Variants in PRSS22 observed in about 807,000 individuals in gnomAD.
PRSS22 encodes the protein serine protease 22.
A neutral mutation model predicts 28.0 loss-of-function variants in PRSS22; 26 were observed. The ratio of observed to expected loss-of-function variants is 0.93; its 90% CI spans 0.68 to 1.29. The LOEUF (loss-of-function observed/expected upper bound fraction) is 1.29, where lower values mean the gene tolerates loss of function less well. Ranked by LOEUF, PRSS22 falls within the 50% of genes most tolerant of loss-of-function variation. PRSS22 has a pLI of 0.00. For synonymous variants in PRSS22, 217 were observed against 177.9 expected (o/e 1.22, Z -1.75); for missense variants, 444 against 422.1 (o/e 1.05, Z -0.46).
Position 2,856,093 on chromosome 16 carries a change from G to C in PRSS22, c.270C>G (p.His90Gln). ...LTSRWVITAA[H>Q]CFKDNLNKPY... ...CCGGCTGTACATACTCCTTGAAACA[G>C]TGGGCAGCAGTGATCACCCAGCGGC... The change falls in exon 3 of 6, where the codon CAC becomes CAG. Residue 90 changes from histidine (H) to glutamine (Q), a missense_variant. Physicochemically the swap from His to Gln is conservative, Grantham distance 24 (BLOSUM62 0). Transcript: ENST00000161006. 4 of 1,613,896 alleles carry C rather than the reference G, an allele frequency of 2.5e-6. No homozygotes were observed. In the Admixed American group the frequency reaches 6.7e-5, roughly 27 times the overall value.
At chr16:2,855,419 G>T (rs1446299255) in intron 4 of PRSS22, among the ~76,000 whole-genome samples, 155 bp downstream of exon 4, 1 of 151,344 alleles carries the variant, frequency 6.6e-6, no homozygotes. Flanking sequence ...GCCCACCAAG[G>T]TTTCTTCTGG....
chr16:2,856,257 G>A lies in PRSS22; in HGVS notation c.110-4C>T, dbSNP rs745819821. On this transcript the variant is annotated splice_region_variant and splice_polypyrimidine_tract_variant and intron_variant, in intron 2 of 5. Transcript: ENST00000161006. ...GGCTTCCCACAGGCTGGGGGAACTG[G>A]AGGGTACGGTCAAGTTTTGTTATCT... 1 of 1,613,166 alleles carries A rather than the reference G, an allele frequency of 6.2e-7. No individual in the cohort carries two copies.
At chr16:2,854,191 C>A (rs984102962) in intron 4 of PRSS22, 169 bp from the exon 5 acceptor site, 5 of 696,756 alleles carry the variant, frequency 7.2e-6, no homozygotes, top group Non-Finnish European at 1.2e-5. Flanking sequence ...AATTCCAGGT[C>A]TCCACCTCTG....
chr16:2,855,347 CA>C (rs33950878), intron 4 of PRSS22, among the ~76,000 whole-genome samples: 17,826 of 68,952 alleles, frequency 0.26, 1,488 homozygotes, highest in Middle Eastern at 0.39. Context: ...CACCCTGTCT[CA>C]AAAAAAAAAA....
intron 1 of PRSS22, among the ~76,000 whole-genome samples, chr16:2,857,421 G>A (rs2069472158): frequency 2.0e-5 from 3 of 152,186 alleles, no homozygotes; most frequent in African/African-American, 7.2e-5. Flanking sequence ...GCCCAGTGAG[G>A]AGGGGGTCCC....
At position 2,853,802 on chromosome 16, in the gene PRSS22, G is replaced by A. The variant is rs2069428866; in HGVS notation, c.717+63C>T. On this transcript the variant is annotated intron_variant, in intron 5 of 5. Coordinates refer to ENST00000161006, the MANE Select transcript of PRSS22 (RefSeq NM_022119.4). The surrounding 1 kb of genome is among the most constrained non-coding windows in gnomAD (Gnocchi z 4.6). Reference sequence around the variant, plus strand: ...AGGTTGTGGGGCTCAGTGGGGACAGGACTGACGCTGGCTCCTTCCCGAGGC... The same window carrying A: ...AGGTTGTGGGGCTCAGTGGGGACAGAACTGACGCTGGCTCCTTCCCGAGGC... 2.5e-6 allele frequency: 4 copies of A among 1,582,540 alleles called. No homozygotes were observed. The highest frequency in any genetic ancestry group is 3.4e-6 in the Non-Finnish European group (4 of 1,163,842).
chr16:2,854,207 G>A, intron 4 of PRSS22, 185 bp from the exon 5 acceptor site: 2 of 628,852 alleles, frequency 3.2e-6, no homozygotes, highest in Non-Finnish European at 2.7e-6. Flanking sequence ...CTCTGGCCCT[G>A]CTGAATTAGA....
rs2069455415 is a variant in PRSS22 at position 2,856,238 on chromosome 16, C to T, written c.125G>A (p.Gly42Glu). Reference sequence around the variant, plus strand: ...AACCCGGTTCAGCTGCTGGGGCTTCCCACAGGCTGGGGGAACTGGAGGGTA... The same window carrying T: ...AACCCGGTTCAGCTGCTGGGGCTTCTCACAGGCTGGGGGAACTGGAGGGTA... ...AARIPVPPAC[G>E]KPQQLNRVVG... Residue 42 changes from glycine (G) to glutamate (E), a missense_variant, in exon 3 of 6, where the codon GGG (glycine) becomes GAG (glutamate). Physicochemically the swap from Gly to Glu is moderately conservative, Grantham distance 98. Coordinates refer to ENST00000161006, the MANE Select transcript of PRSS22 (RefSeq NM_022119.4). The T allele has an allele frequency of 1.2e-6, 2 of 1,613,354 alleles. No homozygotes were observed. Among genetic ancestry groups the T allele is most frequent in the Non-Finnish European group, 1.7e-6 (2 of 1,179,862 alleles).
In PRSS22 at chr16:2,853,135, G is replaced by C; in HGVS notation, c.912C>G (p.Leu304=). ...CCCCAGAGCCCTGGCTCGGTGCCCT[G>C]AGGGCCCCACCCCCCTGAGCGCGCC... The part of the protein sequence containing the change: ...LRGRAQGGGA[L]RAPSQGSGAA... Residue 304 remains leucine, a synonymous_variant, in exon 6 of 6, where the codon CTC becomes CTG. Coordinates refer to ENST00000161006, the MANE Select transcript of PRSS22 (RefSeq NM_022119.4). The surrounding 1 kb of genome is among the most constrained non-coding windows in gnomAD (Gnocchi z 4.6). 6.3e-7 allele frequency: 1 copy of C among 1,597,042 alleles called. No individual in the cohort carries two copies. The highest frequency in any genetic ancestry group is 1.1e-5 in the South Asian group (1 of 90,944).
intron 4 of PRSS22, 112 bp from the exon 5 acceptor site, chr16:2,854,134 A>T (rs1783250878): frequency 4.0e-5 from 50 of 1,243,392 alleles, no homozygotes; most frequent in Non-Finnish European, 5.7e-5. Context: ...TCAAAGGCTA[A>T]CAGATTAGCT....
rs2069453274 is a variant in PRSS22, at chr16:2,856,105, G to T, written c.258C>A (p.Ile86=). The part of the protein sequence containing the change: ...AGSLLTSRWV[I]TAAHCFKDNL... ...ACTCCTTGAAACAGTGGGCAGCAGT[G>T]ATCACCCAGCGGCTGGTGAGCAGAG... The change falls in exon 3 of 6, where the codon ATC becomes ATA. Residue 86 remains isoleucine, a synonymous_variant. Coordinates refer to ENST00000161006, the MANE Select transcript of PRSS22 (RefSeq NM_022119.4). The T allele has an allele frequency of 1.9e-6, 3 of 1,613,920 alleles. No individual in the cohort carries two copies. The highest frequency in any genetic ancestry group is 2.5e-6 in the Non-Finnish European group (3 of 1,179,948).
At position 2,856,827 on chromosome 16, in the gene PRSS22, A is replaced by C; in HGVS notation, c.104T>G (p.Ile35Arg). The change falls in exon 2 of 6, where the codon ATA becomes AGA. Residue 35 changes from isoleucine to arginine, a missense_variant. By Grantham distance (97) the Ile-to-Arg change is moderately conservative. Transcript: ENST00000161006. ...ASTAILNAAR[I>R]PVPPACGKPQ... ...GAGCTGCCAGCTCCACTCACCAGGTATCCTGGCCGCATTGAGGATGGCTGA... is the reference window on the plus strand; with the variant it reads ...GAGCTGCCAGCTCCACTCACCAGGTCTCCTGGCCGCATTGAGGATGGCTGA... 6.4e-7 allele frequency: 1 copy of C among 1,551,968 alleles called. No homozygotes were observed. The highest frequency in any genetic ancestry group is 8.7e-7 in the Non-Finnish European group (1 of 1,147,128).
chr16:2,856,998 G>A, intron 1 of PRSS22, 150 bp from the exon 2 acceptor site: 1 of 910,302 alleles, frequency 1.1e-6, no homozygotes, highest in African/African-American at 1.6e-5. Flanking sequence ...CACCCAGTGA[G>A]GAGGGTCCCT....
At chr16:2,855,493 T>A in intron 4 of PRSS22, 81 bp downstream of exon 4, 1 of 1,513,330 alleles carries the variant, frequency 6.6e-7, no homozygotes, top group Non-Finnish European at 9.0e-7. Flanking sequence ...CCTTTGTTGC[T>A]CATGGTGTCT....
Position 2,853,750 on chromosome 16 carries a change from G to T in PRSS22, c.717+115C>A. On this transcript the variant is annotated intron_variant, in intron 5 of 5. Transcript: ENST00000161006. This position sits in a 1 kb window ranked among gnomAD's most constrained non-coding sequence, Gnocchi z 4.6. ...TGGGGACCCGGGACTGTCAGGCACA[G>T]CCAGTTCTGGGGAGGAGGCCAGGGA... is the stretch of plus-strand genomic sequence containing the variant. The T allele has an allele frequency of 8.3e-7, 1 of 1,205,370 alleles. No homozygotes were observed. Among genetic ancestry groups the T allele is most frequent in the Non-Finnish European group, 1.2e-6 (1 of 865,950 alleles). 74.7% of individuals were successfully genotyped at this position (1,205,370 alleles called of 1,614,324 possible). A position where few individuals can be genotyped will look rare whatever the true frequency, so the allele number is the denominator to read the frequency against.
chr16:2,857,881 G>T, intron 1 of PRSS22, 142 bp downstream of exon 1: 2 of 549,852 alleles, frequency 3.6e-6, no homozygotes, highest in Non-Finnish European at 5.5e-6. Flanking sequence ...GAGGCACAGA[G>T]CAGTTAAGGA....
At chr16:2,856,274 T>C in intron 2 of PRSS22, 21 bp from the exon 3 acceptor site, 1 of 1,612,182 alleles carries the variant, frequency 6.2e-7, no homozygotes, top group Non-Finnish European at 8.5e-7. Context: ...CGGTCAAGTT[T>C]TGTTATCTCC....
chr16:2,855,383 A>C (rs2069445271), intron 4 of PRSS22, among the ~76,000 whole-genome samples, 191 bp downstream of exon 4: 1 of 151,344 alleles, frequency 6.6e-6, no homozygotes, highest in Non-Finnish European at 1.5e-5. Context: ...AGAAGAAAGA[A>C]AAGAAAAGAG....
intron 4 of PRSS22, among the ~76,000 whole-genome samples, chr16:2,855,005 T>C (rs1313480628): frequency 6.6e-6 from 1 of 152,080 alleles, no homozygotes; most frequent in Non-Finnish European, 1.5e-5. Context: ...ATGAATTGAA[T>C]AGCTTCACGG....
Sources: gnomAD v4.1 joint callset for allele counts (sites outside exome capture counted in the v4.1 genomes callset) on GRCh38, gnomAD v4.1.1 for gene constraint, Gnocchi (gnomAD v3.1) non-coding constraint, MANE v1.5 for transcripts, NCBI Gene and HGNC (gene_info 2026-07-23, HGNC 2026-07-21) for gene names.